Variants in WWOX observed in about 807,000 individuals in gnomAD.
WWOX encodes the protein WW domain-containing oxidoreductase.
A neutral mutation model predicts 46.2 loss-of-function variants in WWOX; 69 were observed. The ratio of observed to expected loss-of-function variants is 1.49; its 90% CI spans 1.23 to 1.82. The LOEUF (loss-of-function observed/expected upper bound fraction) is 1.82, where lower values mean the gene tolerates loss of function less well. WWOX is among the 40% of genes most tolerant of loss of function. The probability of loss-of-function intolerance (pLI) is 0.00; values close to 1 mark genes in which losing one functional copy is unlikely to be tolerated. For missense variants in WWOX, 919 were observed against 542.6 expected, an observed-to-expected ratio of 1.69 and a Z score of -6.89; for synonymous variants, 359 against 202.6, an observed-to-expected ratio of 1.77 and a Z score of -6.56.
intron 8 of WWOX, among the ~76,000 whole-genome samples, chr16:78,846,282 T>C (rs1025279261): frequency 1.3e-5 from 2 of 152,246 alleles, no homozygotes; most frequent in Non-Finnish European, 2.9e-5. Flanking sequence ...GTTATGATGC[T>C]ATTAACTACA....
At chr16:78,794,097 G>A (rs1433388575) in intron 8 of WWOX, among the ~76,000 whole-genome samples, 2 of 152,004 alleles carry the variant, frequency 1.3e-5, no homozygotes, top group Non-Finnish European at 2.9e-5. Flanking sequence ...GGGGTCTTTT[G>A]GGAGATGATT....
At chr16:78,806,788 C>A (rs865855862) in intron 8 of WWOX, among the ~76,000 whole-genome samples, 8 of 152,190 alleles carry the variant, frequency 5.3e-5, no homozygotes, top group African/African-American at 1.7e-4. Flanking sequence ...GAAATAGACC[C>A]CACCTCTTCT....
intron 8 of WWOX, among the ~76,000 whole-genome samples, chr16:78,931,562 C>T (rs1051452187): frequency 5.9e-5 from 9 of 152,208 alleles, no homozygotes; most frequent in Non-Finnish European, 1.0e-4. Flanking sequence ...GCAATGAGTA[C>T]ATGATCCTTG....
At chr16:78,853,535 C>G (rs766253063) in intron 8 of WWOX, among the ~76,000 whole-genome samples, 8 of 152,196 alleles carry the variant, frequency 5.3e-5, no homozygotes, top group African/African-American at 1.9e-4. Flanking sequence ...CTAAAACCCC[C>G]TCACTGCTCT....
rs563338398 is a variant in WWOX, at chr16:78,755,226, A to G, written c.1056+322474A>G. On this transcript the variant is annotated intron_variant, in intron 8 of 8. Transcript: ENST00000566780. ...AACTTAAAGTGAAAGGAAAAAAAAA[A>G]GTTTCATCAAAAAAAAAAAAAGAAA... Among the ~76,000 whole-genome samples the G allele has an allele frequency of 3.9e-3, 507 of 128,420 alleles. 4 individuals carry two copies. The highest frequency in any genetic ancestry group is 0.02 in the Middle Eastern group (5 of 248). 84.2% of individuals were successfully genotyped at this position (128,420 alleles called of 152,430 possible).
chr16:78,955,369 C>G (rs957249209), intron 8 of WWOX, among the ~76,000 whole-genome samples: 8 of 152,110 alleles, frequency 5.3e-5, no homozygotes, highest in African/African-American at 1.9e-4. Flanking sequence ...GTCAGGTGTG[C>G]CGCAGCACTC....
chr16:78,867,485 TG>T (rs2044029646), intron 8 of WWOX, among the ~76,000 whole-genome samples: 2 of 18,388 alleles, frequency 1.1e-4, no homozygotes, highest in East Asian at 1.9e-3. Flanking sequence ...TAAATGATTT[TG>T]TGTGTGTGTG....
chr16:78,818,038 G>C (rs1597663683), intron 8 of WWOX, among the ~76,000 whole-genome samples: 1 of 152,182 alleles, frequency 6.6e-6, no homozygotes, highest in Non-Finnish European at 1.5e-5. Context: ...AGTCCAGCAA[G>C]GGTCTCAGTC....
chr16:78,953,821 A>G (rs910056431), intron 8 of WWOX, among the ~76,000 whole-genome samples: 1 of 152,188 alleles, frequency 6.6e-6, no homozygotes, highest in Non-Finnish European at 1.5e-5. Flanking sequence ...GCAGCTGGGC[A>G]TGATCGAGCC....
At chr16:79,091,079 C>T (rs547396407) in intron 8 of WWOX, among the ~76,000 whole-genome samples, 22 of 152,272 alleles carry the variant, frequency 1.4e-4, no homozygotes, top group African/African-American at 5.1e-4. Context: ...CAAGCCACCG[C>T]TCCAGGCCTA....
At chr16:78,881,611 G>A (rs1041039616) in intron 8 of WWOX, among the ~76,000 whole-genome samples, 13 of 152,134 alleles carry the variant, frequency 8.5e-5, no homozygotes, top group African/African-American at 2.9e-4. Context: ...CTTGATGTAA[G>A]GTATCTGTGT....
At chr16:78,361,505 C>A (rs1013177801) in intron 5 of WWOX, among the ~76,000 whole-genome samples, 1 of 152,168 alleles carries the variant, frequency 6.6e-6, no homozygotes. Flanking sequence ...GCAGTGTTTA[C>A]CATGATGCTT....
chr16:78,668,081 C>G (rs1373573898), intron 8 of WWOX, among the ~76,000 whole-genome samples: 2 of 152,132 alleles, frequency 1.3e-5, no homozygotes, highest in African/African-American at 4.8e-5. Context: ...GAATTCAAGA[C>G]CAGCCTGGCC....
At chr16:79,159,321 G>T (rs1400254694) in intron 8 of WWOX, among the ~76,000 whole-genome samples, 1 of 152,214 alleles carries the variant, frequency 6.6e-6, no homozygotes, top group Non-Finnish European at 1.5e-5. Flanking sequence ...TTATAAAGCA[G>T]TGTTAAATTT....
intron 8 of WWOX, among the ~76,000 whole-genome samples, chr16:78,956,869 G>T (rs916629144): frequency 3.9e-5 from 6 of 152,128 alleles, no homozygotes; most frequent in African/African-American, 1.4e-4. Flanking sequence ...TCTCAAACAT[G>T]TAGGCTTGAG....
chr16:78,404,679 G>A (rs537724711), intron 6 of WWOX, among the ~76,000 whole-genome samples: 35 of 152,252 alleles, frequency 2.3e-4, no homozygotes, highest in African/African-American at 7.9e-4. Context: ...GTTAATTTAC[G>A]TCTTTTCCAT....
intron 5 of WWOX, among the ~76,000 whole-genome samples, chr16:78,259,584 C>G (rs1597412435): frequency 6.6e-6 from 1 of 151,722 alleles, no homozygotes; most frequent in Non-Finnish European, 1.5e-5. Context: ...TCCCAAAGTG[C>G]TGGGATTACA....
At chr16:78,343,839 C>A (rs13338906) in intron 5 of WWOX, among the ~76,000 whole-genome samples, 26,888 of 118,746 alleles carry the variant, frequency 0.23, 8,602 homozygotes, top group African/African-American at 0.37. Flanking sequence ...ATATGACACC[C>A]GTTTTGGGCT....
intron 3 of WWOX, among the ~76,000 whole-genome samples, chr16:78,111,207 C>T (rs1391187862): frequency 6.6e-6 from 1 of 152,020 alleles, no homozygotes; most frequent in Admixed American, 6.6e-5. Context: ...CGAAAGAGTA[C>T]CTAGGTGCCG....
Sources: gnomAD v4.1 joint callset for allele counts (sites outside exome capture counted in the v4.1 genomes callset) on GRCh38, gnomAD v4.1.1 for gene constraint, MANE v1.5 for transcripts, NCBI Gene and HGNC (gene_info 2026-07-23, HGNC 2026-07-21) for gene names.